Variants in SRFBP1 observed in about 807,000 individuals in gnomAD.
SRFBP1 encodes serum response factor binding protein 1, also known as serum response factor-binding protein 1.
SRFBP1 carries 47 observed loss-of-function variants against 45.5 expected under a neutral mutation model. The ratio of observed to expected loss-of-function variants is 1.03; its 90% confidence interval spans 0.82 to 1.32. The LOEUF is 1.32. Among genes scored for constraint, SRFBP1 ranks in the 40% most tolerant of loss-of-function variants. SRFBP1 has a pLI of 0.00. For missense variants in SRFBP1, 621 were observed against 484.6 expected (o/e 1.28, Z -2.64); for synonymous variants, 203 against 166.3 (o/e 1.22, Z -1.70).
At chr5:122,045,926 C>CA (rs1753848025) in intron 2 of SRFBP1, among the ~76,000 whole-genome samples, 1 of 152,152 alleles carries the variant, frequency 6.6e-6, no homozygotes, top group African/African-American at 2.4e-5. Context: ...ACATCCTTGT[C>CA]TTTGCCTGCT....
chr5:121,967,098 T>A (rs1454076054), intron 1 of SRFBP1, among the ~76,000 whole-genome samples: 2 of 152,088 alleles, frequency 1.3e-5, no homozygotes, highest in South Asian at 2.1e-4. Context: ...TGGCCTATTT[T>A]ATTGTTTGAT....
At chr5:121,994,959 C>G (rs565794223) in intron 4 of SRFBP1, among the ~76,000 whole-genome samples, 1 of 152,014 alleles carries the variant, frequency 6.6e-6, no homozygotes, top group East Asian at 1.9e-4. Context: ...AACTAAGATG[C>G]ATTCAACAAG....
Position 122,070,098 on chromosome 5 carries a change from C to T in SRFBP1, n.312-5217C>T, listed in dbSNP as rs1463695782. 4 of 1,613,182 alleles carry T rather than the reference C, an allele frequency of 2.5e-6. No homozygotes were observed. The highest frequency in any genetic ancestry group is 1.1e-5 in the South Asian group (1 of 91,068). Reference sequence around the variant, plus strand: ...GGCATACGCATGATGTCCTGTGTAGCGAATGTCACAGCGCACAACATTGTT... The same window carrying T: ...GGCATACGCATGATGTCCTGTGTAGTGAATGTCACAGCGCACAACATTGTT... On this transcript the variant is annotated intron_variant and non_coding_transcript_variant, in intron 2 of 2. Coordinates refer to the SRFBP1 transcript ENST00000504881.
At chr5:122,005,852 T>C (rs1265146931) in intron 4 of SRFBP1, among the ~76,000 whole-genome samples, 2 of 152,194 alleles carry the variant, frequency 1.3e-5, no homozygotes, top group African/African-American at 2.4e-5. Context: ...AATTTACGTG[T>C]ATATTCTTTA....
Position 122,050,078 on chromosome 5 carries a change from A to C in SRFBP1, n.312-25237A>C, listed in dbSNP as rs191391308. Among the ~76,000 whole-genome samples, 3 of 152,304 alleles carry C rather than the reference A, an allele frequency of 2.0e-5. No homozygotes were observed. In the East Asian group the frequency reaches 5.8e-4, roughly 29 times the overall value. On this transcript the variant is annotated intron_variant and non_coding_transcript_variant, in intron 2 of 2. Coordinates refer to the SRFBP1 transcript ENST00000504881. ...TTTGCATATGTTGAACCAATCTTGC[A>C]TCCCAGGGATGAAACCCACTTCATT...
intron 1 of SRFBP1, among the ~76,000 whole-genome samples, chr5:121,964,393 T>C (rs1752017674): frequency 6.6e-6 from 1 of 152,112 alleles, no homozygotes; most frequent in Non-Finnish European, 1.5e-5. Flanking sequence ...CTTCCCTGTG[T>C]CCATGTGTTC....
intron 2 of SRFBP1, chr5:122,073,941 A>T: frequency 7.3e-7 from 1 of 1,368,160 alleles, no homozygotes; most frequent in Non-Finnish European, 1.0e-6. Flanking sequence ...AATGCTATTT[A>T]ATGCTAACTA....
At chr5:121,969,330 G>T (rs1752141680) in intron 1 of SRFBP1, among the ~76,000 whole-genome samples, 2 of 152,088 alleles carry the variant, frequency 1.3e-5, no homozygotes, top group South Asian at 4.1e-4. Context: ...CATGATTCAT[G>T]TTGAGCTGTG....
chr5:121,972,888 T>G (rs2112816481), intron 1 of SRFBP1, among the ~76,000 whole-genome samples: 1 of 151,934 alleles, frequency 6.6e-6, no homozygotes, highest in Middle Eastern at 3.4e-3. Flanking sequence ...AGTAAAGAAG[T>G]GAAGATATAA....
chr5:122,010,422 TTTAATG>T (rs1333193077), intron 4 of SRFBP1, among the ~76,000 whole-genome samples: 4 of 152,144 alleles, frequency 2.6e-5, no homozygotes, highest in Admixed American at 6.5e-5. Flanking sequence ...GTAATTGGTA[TTTAATG>T]TAAGTTTTAA....
intron 2 of SRFBP1, among the ~76,000 whole-genome samples, chr5:122,038,931 C>T (rs975439437): frequency 2.6e-5 from 4 of 152,062 alleles, no homozygotes; most frequent in African/African-American, 4.8e-5. Context: ...GGAGGGTACA[C>T]TCTCCATCAT....
At chr5:121,963,018 C>T (rs1751981806) in intron 1 of SRFBP1, among the ~76,000 whole-genome samples, 1 of 152,130 alleles carries the variant, frequency 6.6e-6, no homozygotes, top group South Asian at 2.1e-4. Flanking sequence ...GAAAAGTTTC[C>T]AAAGGCGGCA....
In SRFBP1 at chr5:122,070,500, G is replaced by A. The variant is rs1332606387; in HGVS notation, n.312-4815G>A. On this transcript the variant is annotated intron_variant and non_coding_transcript_variant, in intron 2 of 2. Transcript: ENST00000504881. ...TATTTTCAAAGGTCTTTACCTTTAG[G>A]ATATAGTTTCCAGGTTTTACATCTG... is the stretch of plus-strand genomic sequence containing the variant. 1 of 1,576,442 alleles carries A rather than the reference G, an allele frequency of 6.3e-7. No individual in the cohort carries two copies. The highest frequency in any genetic ancestry group is 1.1e-5 in the South Asian group (1 of 89,270).
intron 7 of SRFBP1, among the ~76,000 whole-genome samples, chr5:122,023,173 T>A (rs1753397243): frequency 6.6e-6 from 1 of 152,168 alleles, no homozygotes; most frequent in Admixed American, 6.5e-5. Flanking sequence ...AATGCAGTCT[T>A]ACTATATATC....
chr5:122,017,968 C>T (rs1176366962), intron 4 of SRFBP1, among the ~76,000 whole-genome samples: 1 of 151,892 alleles, frequency 6.6e-6, no homozygotes, highest in East Asian at 1.9e-4. Context: ...CAAACAAAGT[C>T]TCTGCTTTGC....
intron 7 of SRFBP1, among the ~76,000 whole-genome samples, chr5:122,022,981 T>C (rs1753393741): frequency 6.6e-6 from 1 of 152,238 alleles, no homozygotes; most frequent in Non-Finnish European, 1.5e-5. Flanking sequence ...CTTCCATCTT[T>C]TGGCGTTTTC....
downstream of SRFBP1, chr5:122,075,693 G>C: frequency 2.1e-6 from 1 of 484,214 alleles, no homozygotes; most frequent in Non-Finnish European, 3.5e-6. Flanking sequence ...GTTTCTTTTT[G>C]TTCATTGCTG....
chr5:122,008,371 C>T (rs140309967), intron 4 of SRFBP1, among the ~76,000 whole-genome samples: 3 of 152,116 alleles, frequency 2.0e-5, no homozygotes, highest in East Asian at 1.9e-4. Context: ...AGCCTGGAGT[C>T]GGGGCCTGTG....
intron 3 of SRFBP1, among the ~76,000 whole-genome samples, chr5:121,982,225 C>T (rs4496732): frequency 0.88 from 134,097 of 151,916 alleles, 59,270 homozygotes; most frequent in East Asian, 0.96. Context: ...AAACAAGATG[C>T]CCTGGTTTGT....
Sources: allele counts gnomAD v4.1 joint callset (sites outside exome capture counted in the v4.1 genomes callset), GRCh38; gene constraint gnomAD v4.1.1; transcripts MANE v1.5; gene names NCBI Gene and HGNC (gene_info 2026-07-23, HGNC 2026-07-21).